The following SBF2 variants were observed in gnomAD, a reference collection of about 807,000 sequenced individuals.
SBF2 encodes SET binding factor 2, also known as myotubularin-related protein 13.
Under a neutral mutation model 225.2 loss-of-function variants are expected in SBF2, and 112 were observed. The ratio of observed to expected loss-of-function variants is 0.50; its 90% CI spans 0.43 to 0.58. The LOEUF (loss-of-function observed/expected upper bound fraction) is 0.58. SBF2 is among the 20% of genes least tolerant of loss of function. The probability of loss-of-function intolerance (pLI) is 0.00; values close to 1 mark genes in which losing one functional copy is unlikely to be tolerated. For missense variants in SBF2, 1,996 were observed against 2,206.2 expected (o/e 0.90, Z 1.91); for synonymous variants, 763 against 773.3 (o/e 0.99, Z 0.22).
chr11:9,948,281 C>T (rs541465467), intron 16 of SBF2, among the ~76,000 whole-genome samples: 3 of 151,776 alleles, frequency 2.0e-5, no homozygotes, highest in South Asian at 4.2e-4. Flanking sequence ...CGGGAGTTAT[C>T]GTTTAATAGA....
chr11:10,208,761 A>G (rs1422937481), intron 1 of SBF2, among the ~76,000 whole-genome samples: 1 of 152,120 alleles, frequency 6.6e-6, no homozygotes, highest in Non-Finnish European at 1.5e-5. Flanking sequence ...ATTTCTTGGA[A>G]CCAGCTTTAA....
intron 26 of SBF2, among the ~76,000 whole-genome samples, chr11:9,836,127 A>G (rs1397286794): frequency 7.2e-5 from 11 of 152,104 alleles, no homozygotes; most frequent in Admixed American, 7.2e-4. Flanking sequence ...AGAAGTTCTA[A>G]ATTTATCAAT....
intron 6 of SBF2, among the ~76,000 whole-genome samples, chr11:10,010,018 T>A (rs1429822905): frequency 1.3e-5 from 2 of 152,260 alleles, no homozygotes; most frequent in Non-Finnish European, 2.9e-5. Context: ...ATGAGCTTTT[T>A]TTCATGTTTC....
intron 1 of SBF2, among the ~76,000 whole-genome samples, chr11:10,265,726 C>T (rs1427133900): frequency 3.9e-5 from 6 of 152,042 alleles, no homozygotes; most frequent in African/African-American, 1.4e-4. Flanking sequence ...GCTCTGTTAC[C>T]CAGGTTGGAG....
At chr11:9,954,788 T>C (rs1248535814) in intron 16 of SBF2, among the ~76,000 whole-genome samples, 3 of 152,144 alleles carry the variant, frequency 2.0e-5, no homozygotes, top group African/African-American at 7.2e-5. Context: ...ATTCTATAAG[T>C]GCCATAATTG....
chr11:10,148,253 T>C (rs1175605214), intron 2 of SBF2, among the ~76,000 whole-genome samples: 1 of 152,130 alleles, frequency 6.6e-6, no homozygotes, highest in African/African-American at 2.4e-5. Flanking sequence ...ACTTGGTACA[T>C]GGTCATTTAG....
intron 17 of SBF2, among the ~76,000 whole-genome samples, chr11:9,887,903 C>A (rs1860467336): frequency 6.6e-6 from 1 of 151,910 alleles, no homozygotes; most frequent in Non-Finnish European, 1.5e-5. Context: ...AAACAAAATC[C>A]TTTTCCTATT....
chr11:9,780,886 G>A (rs1851961160), intron 39 of SBF2: 3 of 331,828 alleles, frequency 9.0e-6, no homozygotes, highest in South Asian at 5.4e-5. Context: ...GGGGATGCCT[G>A]AGATTCATGC....
chr11:10,187,201 T>G (rs1337498248), intron 2 of SBF2, among the ~76,000 whole-genome samples: 2 of 152,194 alleles, frequency 1.3e-5, no homozygotes, highest in African/African-American at 4.8e-5. Context: ...TACTGCTGCC[T>G]AAGAAGACCC....
In SBF2 at chr11:9,993,097, CT is replaced by C; in HGVS notation, c.1059del (p.Glu354ArgfsTer24). On this transcript the variant is annotated frameshift_variant, in exon 11 of 40. Transcript: ENST00000256190. LOFTEE classifies it high-confidence loss of function. ...TALSHSKMLD[K>X]EVRAVFLRLF... The stretch of plus-strand genomic sequence containing the variant: ...AATCTAAGGAAAACGGCTCGCACCT[CT>C]TTATCCTAAAAATATAAGAAGAAAT... The C allele has an allele frequency of 6.2e-7, 1 of 1,605,248 alleles. No homozygotes were observed.
At chr11:9,821,812 T>C (rs1430864074) in intron 28 of SBF2, among the ~76,000 whole-genome samples, 16 of 152,260 alleles carry the variant, frequency 1.1e-4, no homozygotes, top group Admixed American at 1.0e-3. Context: ...GCCTTAGTAC[T>C]ACCTGAATTG....
intron 22 of SBF2, among the ~76,000 whole-genome samples, chr11:9,849,356 AGTCT>A (rs1381147918): frequency 6.6e-6 from 1 of 152,222 alleles, no homozygotes; most frequent in African/African-American, 2.4e-5. Flanking sequence ...TTTTGCCCAA[AGTCT>A]TAATTATGTG....
intron 16 of SBF2, among the ~76,000 whole-genome samples, chr11:9,944,621 A>C (rs1422439843): frequency 6.6e-6 from 1 of 152,216 alleles, no homozygotes; most frequent in Non-Finnish European, 1.5e-5. Flanking sequence ...AAATCTCTGC[A>C]GTGAGAATTA....
At chr11:10,093,398 A>G (rs1310580350) in intron 2 of SBF2, among the ~76,000 whole-genome samples, 1 of 149,548 alleles carries the variant, frequency 6.7e-6, no homozygotes, top group East Asian at 1.9e-4. Flanking sequence ...AAAAAAAAAC[A>G]AAAAAAAATT....
intron 17 of SBF2, among the ~76,000 whole-genome samples, chr11:9,861,260 T>C (rs767973190): frequency 6.6e-6 from 1 of 152,160 alleles, no homozygotes; most frequent in Non-Finnish European, 1.5e-5. Flanking sequence ...CTGATGACAA[T>C]CATAGATCAT....
chr11:9,966,910 A>G (rs1866950383), intron 14 of SBF2, among the ~76,000 whole-genome samples: 1 of 152,040 alleles, frequency 6.6e-6, no homozygotes, highest in African/African-American at 2.4e-5. Flanking sequence ...TCCTAAGTAT[A>G]CATCCAAGAG....
chr11:10,015,287 A>G (rs147976208), intron 6 of SBF2, among the ~76,000 whole-genome samples: 378 of 152,330 alleles, frequency 2.5e-3, no homozygotes, highest in African/African-American at 8.9e-3. Flanking sequence ...TGTGAGTCAA[A>G]CTATTTAAAA....
chr11:10,088,763 C>A (rs1424154404), intron 2 of SBF2, among the ~76,000 whole-genome samples: 1 of 152,218 alleles, frequency 6.6e-6, no homozygotes, highest in Non-Finnish European at 1.5e-5. Context: ...TAGGGCCTCA[C>A]CTTCAACATT....
At chr11:9,910,596 C>T (rs1201317073) in intron 16 of SBF2, among the ~76,000 whole-genome samples, 4 of 151,706 alleles carry the variant, frequency 2.6e-5, no homozygotes, top group African/African-American at 9.7e-5. Flanking sequence ...TCCAGTGAGA[C>T]AAGATGTGGT....
Sources: gnomAD v4.1 joint callset for allele counts (sites outside exome capture counted in the v4.1 genomes callset) on GRCh38, gnomAD v4.1.1 for gene constraint, MANE v1.5 for transcripts, NCBI Gene and HGNC (gene_info 2026-07-23, HGNC 2026-07-21) for gene names.